Variants in ZFYVE16 observed in about 807,000 individuals in gnomAD.
ZFYVE16 encodes zinc finger FYVE-type containing 16.
In ZFYVE16, 89 loss-of-function variants were observed where a neutral mutation model predicts 138.1. The observed-to-expected ratio is 0.64, with a 90% CI of 0.54 to 0.77. The LOEUF is 0.77. ZFYVE16 is among the 30% of genes least tolerant of loss of function. The pLI is 0.00. For missense variants in ZFYVE16, 1,793 were observed against 1,786.7 expected (o/e 1.00, Z -0.06); for synonymous variants, 596 against 618.3 (o/e 0.96, Z 0.53).
chr5:80,433,670 T>C (rs1220884370), intron 2 of ZFYVE16, among the ~76,000 whole-genome samples: 5 of 152,144 alleles, frequency 3.3e-5, no homozygotes, highest in African/African-American at 9.7e-5. Context: ...GTTTCATTTG[T>C]TAGAATATAA....
intron 5 of ZFYVE16, chr5:80,441,555 TAAG>T (rs763915746): frequency 3.0e-4 from 298 of 985,190 alleles, no homozygotes; most frequent in Non-Finnish European, 3.4e-4. Context: ...TGGTATCAAA[TAAG>T]AAGAGAAAGA....
intron 15 of ZFYVE16, among the ~76,000 whole-genome samples, chr5:80,467,466 G>T (rs1228723756): frequency 6.6e-6 from 1 of 152,162 alleles, no homozygotes; most frequent in Non-Finnish European, 1.5e-5. Context: ...CAAAGACTAG[G>T]ATAGTTATTA....
chr5:80,420,382 G>T (rs1276224851), intron 1 of ZFYVE16, among the ~76,000 whole-genome samples: 1 of 152,006 alleles, frequency 6.6e-6, no homozygotes, highest in African/African-American at 2.4e-5. Flanking sequence ...TCCCATGTTG[G>T]TGTGCTGCAC....
Position 80,449,623 on chromosome 5 carries a change from C to T in ZFYVE16, c.3136C>T (p.Gln1046Ter), listed in dbSNP as rs758968510. The T allele has an allele frequency of 6.2e-7, 1 of 1,610,990 alleles. No homozygotes were observed. Among genetic ancestry groups the T allele is most frequent in the Non-Finnish European group, 8.5e-7 (1 of 1,178,650 alleles). The change falls in exon 9 of 19, where the codon CAG becomes TAG. Residue 1046 changes from glutamine to a stop codon, truncating the protein, a stop_gained. Transcript: ENST00000505560. LOFTEE classifies it high-confidence loss of function. ...AGTAGAAGAACATCCATCTCATGAG[C>T]AGATCATTTTGCTTCTTGAAGGTGA... ...PVVEEHPSHEQIILLLEGESF... is the reference protein window; with the variant it reads ...PVVEEHPSHE
chr5:80,427,998 ATGCGGTTCC>A, intron 2 of ZFYVE16, among the ~76,000 whole-genome samples: 1 of 148,622 alleles, frequency 6.7e-6, no homozygotes, highest in Non-Finnish European at 1.5e-5. Context: ...AAAAAAAAAG[ATGCGGTTCC>A]AAGATGGCCG....
In ZFYVE16 at chr5:80,439,964, A is replaced by G. The variant is rs778158768; in HGVS notation, c.2351A>G (p.Lys784Arg). Residue 784 changes from lysine (K) to arginine (R), a missense_variant, in exon 5 of 19, where the codon AAG (lysine) becomes AGG (arginine). Physicochemically the swap from Lys to Arg is conservative, Grantham distance 26 (BLOSUM62 2). Transcript: ENST00000505560. ...TTTTGTGGTGTCTGTTGTAATAGGA[A>G]GTGTAAACTGCAATATCTAGAAAAG... is the stretch of plus-strand genomic sequence containing the variant. ...KVFCGVCCNR[K>R]CKLQYLEKEA... 6.2e-7 allele frequency: 1 copy of G among 1,610,780 alleles called. No individual in the cohort carries two copies.
chr5:80,440,139 T>C, intron 5 of ZFYVE16, 107 bp downstream of exon 5: 1 of 1,382,338 alleles, frequency 7.2e-7, no homozygotes, highest in Non-Finnish European at 9.4e-7. Flanking sequence ...AAGGACCTAG[T>C]GTTGAATTAT....
chr5:80,414,682 CA>C (rs1745945510), intron 1 of ZFYVE16, among the ~76,000 whole-genome samples: 1 of 152,134 alleles, frequency 6.6e-6, no homozygotes, highest in Non-Finnish European at 1.5e-5. Flanking sequence ...AACAAAAATA[CA>C]AGATTCATGT....
chr5:80,470,099 G>GTGTGTGTGTGTATA (rs1327173079), intron 15 of ZFYVE16, among the ~76,000 whole-genome samples: 3 of 121,184 alleles, frequency 2.5e-5, no homozygotes, highest in African/African-American at 1.0e-4. Context: ...GTGTGTGTGT[G>GTGTGTGTGTGTATA]TATTTTTTTT....
intron 15 of ZFYVE16, among the ~76,000 whole-genome samples, chr5:80,463,520 G>A (rs1753357990): frequency 6.6e-6 from 1 of 151,760 alleles, no homozygotes; most frequent in Non-Finnish European, 1.5e-5. Flanking sequence ...GGGAGGGACT[G>A]TTGTGAAGGT....
intron 11 of ZFYVE16, chr5:80,454,353 T>G (rs2112467555): frequency 6.6e-6 from 1 of 152,332 alleles, no homozygotes; most frequent in East Asian, 1.9e-4. Flanking sequence ...CTTGCCTTCC[T>G]TTTCTTCAGA....
intron 1 of ZFYVE16, among the ~76,000 whole-genome samples, chr5:80,423,694 C>A (rs1355652811): frequency 6.6e-6 from 1 of 151,966 alleles, no homozygotes; most frequent in Non-Finnish European, 1.5e-5. Flanking sequence ...CGCCACCATG[C>A]CTGGCTAATT....
chr5:80,458,869 T>C (rs1051761602), intron 14 of ZFYVE16, among the ~76,000 whole-genome samples: 1 of 152,248 alleles, frequency 6.6e-6, no homozygotes. Context: ...CTCACTAATA[T>C]AGGCACAAAC....
intron 1 of ZFYVE16, among the ~76,000 whole-genome samples, chr5:80,419,335 C>T (rs1412907672): frequency 6.6e-6 from 1 of 152,172 alleles, no homozygotes; most frequent in Non-Finnish European, 1.5e-5. Flanking sequence ...GCCTCTGCCT[C>T]CCAAGTGCTG....
At chr5:80,432,764 A>G (rs1749263482) in intron 2 of ZFYVE16, among the ~76,000 whole-genome samples, 1 of 152,216 alleles carries the variant, frequency 6.6e-6, no homozygotes, top group Admixed American at 6.5e-5. Flanking sequence ...CAACAACCCC[A>G]TCAACAAGTG....
intron 1 of ZFYVE16, among the ~76,000 whole-genome samples, chr5:80,422,926 C>T (rs1043573542): frequency 1.3e-5 from 2 of 152,128 alleles, no homozygotes; most frequent in African/African-American, 4.8e-5. Flanking sequence ...TTCAATTTGG[C>T]ACCATTTTCT....
chr5:80,437,751 G>A lies in ZFYVE16; in HGVS notation c.1066G>A (p.Val356Ile), dbSNP rs942668355. The A allele has an allele frequency of 6.8e-6, 11 of 1,613,986 alleles. No individual in the cohort carries two copies. The highest frequency in any genetic ancestry group is 2.7e-5 in the African/African-American group (2 of 74,934). ...SKSLDLKDND[V>I]IQDSSSALHV... ...AAGTTTAGACCTTAAGGATAATGATGTAATCCAAGATTCCTCTTCAGCTTT... is the reference window on the plus strand; with the variant it reads ...AAGTTTAGACCTTAAGGATAATGATATAATCCAAGATTCCTCTTCAGCTTT... Residue 356 changes from valine (V) to isoleucine (I), a missense_variant, in exon 4 of 19, where the codon GTA becomes ATA. By Grantham distance (29) the Val-to-Ile change is conservative. Transcript: ENST00000505560.
chr5:80,428,065 G>A (rs908537464), intron 2 of ZFYVE16, among the ~76,000 whole-genome samples: 2 of 146,968 alleles, frequency 1.4e-5, no homozygotes, highest in African/African-American at 4.9e-5. Flanking sequence ...CGACACAGAA[G>A]ACGGGTGATT....
chr5:80,473,305 AAAC>A, intron 16 of ZFYVE16, among the ~76,000 whole-genome samples: 1 of 152,340 alleles, frequency 6.6e-6, no homozygotes, highest in South Asian at 2.1e-4. Context: ...CTATAAATAC[AAAC>A]AACTGGATTT....
Sources: allele counts gnomAD v4.1 joint callset (sites outside exome capture counted in the v4.1 genomes callset), GRCh38; gene constraint gnomAD v4.1.1; transcripts MANE v1.5; gene names NCBI Gene and HGNC (gene_info 2026-07-23, HGNC 2026-07-21).